The following SATB2 variants were observed in gnomAD, a reference collection of about 807,000 sequenced individuals.
The protein encoded by SATB2 is SATB homeobox 2.
A neutral mutation model predicts 73.4 loss-of-function variants in SATB2; 1 was observed. The observed-to-expected ratio is 0.01, with a 90% CI of 0.00 to 0.06. SATB2 has a LOEUF of 0.06. Among genes scored for constraint, SATB2 ranks in the 10% least tolerant of loss-of-function variants. The pLI is 1.00. For missense variants in SATB2, 459 were observed against 945.8 expected (o/e 0.49, Z 6.75); for synonymous variants, 397 against 367.0 (o/e 1.08, Z -0.93).
chr2:199,374,743 C>G (rs1381744430), intron 5 of SATB2, among the ~76,000 whole-genome samples: 1 of 152,060 alleles, frequency 6.6e-6, no homozygotes, highest in African/African-American at 2.4e-5. Context: ...GCAGGAGGGT[C>G]ACTTGGGGTC....
upstream of SATB2, among the ~76,000 whole-genome samples, chr2:199,467,210 G>C (rs897304296): frequency 6.6e-6 from 1 of 152,282 alleles, no homozygotes; most frequent in Non-Finnish European, 1.5e-5. Context: ...GAGCCCTCTT[G>C]TTGGCCGGTG....
At chr2:199,465,443 T>G (rs2105969408), upstream of SATB2, among the ~76,000 whole-genome samples, 1 of 152,356 alleles carries the variant, frequency 6.6e-6, no homozygotes, top group Admixed American at 6.5e-5. Flanking sequence ...CATTCTGACT[T>G]CCACTCAATA....
chr2:199,397,890 GA>G, intron 3 of SATB2: 4 of 288,592 alleles, frequency 1.4e-5, no homozygotes, highest in South Asian at 1.1e-4. Flanking sequence ...AAACAAAACA[GA>G]AAGATATTTG....
At chr2:199,286,744 A>G (rs1692700166) in intron 10 of SATB2, among the ~76,000 whole-genome samples, 1 of 152,202 alleles carries the variant, frequency 6.6e-6, no homozygotes, top group Admixed American at 6.5e-5. Flanking sequence ...GACCCAATTC[A>G]AGGCACAGAT....
At chr2:199,368,856 A>G (rs1390497993) in intron 5 of SATB2, 149 bp from the exon 6 acceptor site, 2 of 577,072 alleles carry the variant, frequency 3.5e-6, no homozygotes, top group African/African-American at 3.8e-5. Flanking sequence ...AACATCAAAC[A>G]CGATTACCTG....
At chr2:199,470,290 T>A (rs1156284555) in intron 1 of SATB2, 1 of 152,188 alleles carries the variant, frequency 6.6e-6, no homozygotes, top group Non-Finnish European at 1.5e-5. Context: ...CCCAGGAAGA[T>A]GCTGGGGACG....
At chr2:199,377,569 T>C (rs931066157) in intron 5 of SATB2, among the ~76,000 whole-genome samples, 10 of 152,136 alleles carry the variant, frequency 6.6e-5, no homozygotes, top group Non-Finnish European at 1.3e-4. Flanking sequence ...TAATTTCATG[T>C]GTTTGGAATA....
intron 3 of SATB2, among the ~76,000 whole-genome samples, chr2:199,418,245 G>A (rs889581545): frequency 2.6e-5 from 4 of 152,156 alleles, no homozygotes; most frequent in African/African-American, 9.7e-5. Context: ...TGGGAAGTGG[G>A]GAGCACCAAG....
intron 3 of SATB2, chr2:199,397,006 C>T (rs1327040701): frequency 6.7e-6 from 1 of 149,582 alleles, no homozygotes; most frequent in Non-Finnish European, 1.5e-5. Context: ...TGGCTGTTTA[C>T]CTAAAGAAGA....
At chr2:199,347,763 T>A (rs1447349933) in intron 7 of SATB2, 6 of 152,236 alleles carry the variant, frequency 3.9e-5, no homozygotes, top group Admixed American at 3.9e-4. Context: ...TTACTCTAAT[T>A]ATCTGGTTAC....
At chr2:199,367,110 G>A (rs925408344) in intron 6 of SATB2, among the ~76,000 whole-genome samples, 2 of 152,136 alleles carry the variant, frequency 1.3e-5, no homozygotes, top group Non-Finnish European at 1.5e-5. Context: ...ATTTTCAGCC[G>A]AAGAGGATAT....
At position 199,455,727 on chromosome 2, in the gene SATB2, G is replaced by A; in HGVS notation, c.169+142C>T. 4.4e-6 allele frequency: 4 copies of A among 907,474 alleles called. No individual in the cohort carries two copies. The Admixed American group carries it at 6.6e-5, about 15-fold the overall frequency. 56.2% of individuals were successfully genotyped at this position (907,474 alleles called of 1,614,324 possible). ...ATGAAGCTACCAGTTGCAGATGAGAGGCGACGGGGGCATTATTTGGCAACC... is the reference window on the plus strand; with the variant it reads ...ATGAAGCTACCAGTTGCAGATGAGAAGCGACGGGGGCATTATTTGGCAACC... On this transcript the variant is annotated intron_variant, in intron 2 of 10. Coordinates refer to ENST00000417098, the MANE Select transcript of SATB2 (RefSeq NM_001172509.2). This position sits in a 1 kb window ranked among gnomAD's most constrained non-coding sequence, Gnocchi z 4.1.
At chr2:199,433,241 C>A in intron 3 of SATB2, 97 bp downstream of exon 3, 1 of 1,255,400 alleles carries the variant, frequency 8.0e-7, no homozygotes, top group South Asian at 1.5e-5. Context: ...GACAATTCTC[C>A]TTCAACCTTT....
intron 3 of SATB2, among the ~76,000 whole-genome samples, chr2:199,414,532 G>A (rs1690918110): frequency 6.6e-6 from 1 of 152,134 alleles, no homozygotes; most frequent in Non-Finnish European, 1.5e-5. Context: ...GATCCGGAAA[G>A]AGTCCATGCC....
chr2:199,395,512 T>C (rs1401662875), intron 3 of SATB2, among the ~76,000 whole-genome samples: 1 of 152,150 alleles, frequency 6.6e-6, no homozygotes, highest in Non-Finnish European at 1.5e-5. Flanking sequence ...CTGGTCATAA[T>C]CAACCAGAAA....
At chr2:199,394,254 T>C (rs964037818) in intron 3 of SATB2, among the ~76,000 whole-genome samples, 27 of 152,220 alleles carry the variant, frequency 1.8e-4, no homozygotes, top group Middle Eastern at 6.8e-3. Flanking sequence ...CATAAATAAA[T>C]AAATTTAATT....
At chr2:199,370,294 T>TA (rs1376896574) in intron 5 of SATB2, among the ~76,000 whole-genome samples, 1 of 152,008 alleles carries the variant, frequency 6.6e-6, no homozygotes, top group African/African-American at 2.4e-5. Context: ...TGATGTGGGA[T>TA]ATCTGAGTCA....
chr2:199,357,851 G>A (rs545542306), intron 6 of SATB2, among the ~76,000 whole-genome samples: 21 of 152,010 alleles, frequency 1.4e-4, no homozygotes, highest in Non-Finnish European at 3.1e-4. Context: ...AGCTTTCTCA[G>A]GTACCCTATA....
At chr2:199,379,496 CAG>C (rs1358202424) in intron 5 of SATB2, among the ~76,000 whole-genome samples, 4 of 152,024 alleles carry the variant, frequency 2.6e-5, no homozygotes, top group African/African-American at 7.2e-5. Flanking sequence ...CACTTTGAAA[CAG>C]GGGGGTGGGG....
Sources: allele counts gnomAD v4.1 joint callset (sites outside exome capture counted in the v4.1 genomes callset), GRCh38; gene constraint gnomAD v4.1.1; non-coding constraint Gnocchi (gnomAD v3.1); transcripts MANE v1.5; gene names NCBI Gene and HGNC (gene_info 2026-07-23, HGNC 2026-07-21).